CPEB3: variants seen among roughly 807,000 people sequenced by gnomAD.
CPEB3 encodes the protein cytoplasmic polyadenylation element-binding protein 3.
In CPEB3, 20 loss-of-function variants were observed where a neutral mutation model predicts 67.2. The observed-to-expected ratio is 0.30, with a 90% CI of 0.21 to 0.43. The LOEUF is 0.43. Ranked by LOEUF, CPEB3 falls within the 20% of genes least tolerant of loss-of-function variation. The pLI, the probability that CPEB3 is intolerant of heterozygous loss-of-function variation, is 1.00. For missense variants in CPEB3, 746 were observed against 968.6 expected (o/e 0.77, Z 3.05); for synonymous variants, 376 against 393.1 (o/e 0.96, Z 0.51).
intron 1 of CPEB3, among the ~76,000 whole-genome samples, chr10:92,254,303 A>T (rs1852428853): frequency 6.6e-6 from 1 of 152,184 alleles, no homozygotes; most frequent in Non-Finnish European, 1.5e-5. Context: ...AATTTTGGTC[A>T]ATTATTCAAT....
At chr10:92,231,122 A>G (rs1394555113) in intron 2 of CPEB3, among the ~76,000 whole-genome samples, 4 of 152,190 alleles carry the variant, frequency 2.6e-5, no homozygotes, top group African/African-American at 7.2e-5. Flanking sequence ...CATAAGCACA[A>G]GCAGATAGTC....
At chr10:92,060,940 C>G (rs371708397) in intron 9 of CPEB3, among the ~76,000 whole-genome samples, 1 of 152,170 alleles carries the variant, frequency 6.6e-6, no homozygotes, top group African/African-American at 2.4e-5. Flanking sequence ...ACAACCACCA[C>G]GGAGAACAGT....
chr10:92,236,531 T>C (rs951785192), intron 2 of CPEB3, among the ~76,000 whole-genome samples: 16 of 152,288 alleles, frequency 1.1e-4, no homozygotes, highest in African/African-American at 3.9e-4. Context: ...GTGGATCACC[T>C]GAGGTCAGGA....
chr10:92,253,356 A>C (rs1852378476), intron 1 of CPEB3, among the ~76,000 whole-genome samples: 1 of 148,230 alleles, frequency 6.7e-6, no homozygotes, highest in Admixed American at 6.8e-5. Context: ...GCTACTCGGG[A>C]GGCTGAGGCA....
intron 2 of CPEB3, among the ~76,000 whole-genome samples, chr10:92,217,559 C>T (rs1001970174): frequency 4.0e-5 from 6 of 151,480 alleles, no homozygotes; most frequent in African/African-American, 1.2e-4. Context: ...GTCAGGAGTT[C>T]GAGACCAGCA....
intron 6 of CPEB3, among the ~76,000 whole-genome samples, chr10:92,118,373 C>T (rs965986121): frequency 6.6e-6 from 1 of 152,116 alleles, no homozygotes; most frequent in Non-Finnish European, 1.5e-5. Flanking sequence ...CTCAGGTGAT[C>T]CACCCGCCCC....
intron 1 of CPEB3, among the ~76,000 whole-genome samples, chr10:92,283,826 A>T (rs1341799689): frequency 1.4e-5 from 2 of 144,150 alleles, no homozygotes; most frequent in Non-Finnish European, 3.0e-5. Context: ...TCCCCAGTTC[A>T]AGCAATTCTC....
In CPEB3 at chr10:92,287,329, A is replaced by G. The variant is rs368035918; in HGVS notation, c.-12+3597T>C. On this transcript the variant is annotated intron_variant, in intron 1 of 9. Coordinates refer to ENST00000265997, the MANE Select transcript of CPEB3 (RefSeq NM_014912.5). The stretch of plus-strand genomic sequence containing the variant: ...CATATAAATGCAGGAGTGCATTTCA[A>G]TGTGGTTTTGGTCAGATTAAGGTCT... 2.8e-4 allele frequency among the ~76,000 whole-genome samples: 43 copies of G among 152,280 alleles called. No individual in the cohort carries two copies. In the East Asian group the frequency reaches 6.9e-3, roughly 25 times the overall value.
intron 7 of CPEB3, among the ~76,000 whole-genome samples, chr10:92,100,578 T>TA (rs1486497387): frequency 4.0e-5 from 6 of 149,202 alleles, no homozygotes; most frequent in African/African-American, 1.5e-4. Flanking sequence ...GCCCAGCCAA[T>TA]AAGAATGGTT....
intron 6 of CPEB3, among the ~76,000 whole-genome samples, chr10:92,113,272 A>G (rs943721963): frequency 1.3e-5 from 2 of 152,238 alleles, no homozygotes; most frequent in African/African-American, 4.8e-5. Flanking sequence ...AAAAGACAAT[A>G]CATACATCAT....
intron 7 of CPEB3, among the ~76,000 whole-genome samples, chr10:92,092,165 A>G (rs183115011): frequency 1.3e-5 from 2 of 152,322 alleles, no homozygotes; most frequent in Non-Finnish European, 2.9e-5. Context: ...GACATATGAC[A>G]TATACCATGA....
intron 7 of CPEB3, among the ~76,000 whole-genome samples, chr10:92,097,208 C>A (rs191091849): frequency 5.9e-5 from 9 of 152,280 alleles, no homozygotes; most frequent in Admixed American, 3.9e-4. Context: ...GCTAGAAATT[C>A]AGATTTTTAA....
At chr10:92,252,602 T>A (rs1017225194) in intron 1 of CPEB3, among the ~76,000 whole-genome samples, 1 of 152,154 alleles carries the variant, frequency 6.6e-6, no homozygotes, top group African/African-American at 2.4e-5. Flanking sequence ...AAGGCAAAGA[T>A]AATGAATAGA....
intron 7 of CPEB3, among the ~76,000 whole-genome samples, chr10:92,106,129 G>C (rs1198043124): frequency 6.6e-6 from 1 of 151,816 alleles, no homozygotes; most frequent in Non-Finnish European, 1.5e-5. Context: ...CTGACCTCAA[G>C]TGATCCACCC....
intron 2 of CPEB3, among the ~76,000 whole-genome samples, chr10:92,202,003 T>G (rs1849548047): frequency 6.6e-6 from 1 of 152,178 alleles, no homozygotes; most frequent in African/African-American, 2.4e-5. Flanking sequence ...TACCTCACAT[T>G]TAAATTGTTC....
chr10:92,290,958 T>C lies in CPEB3; in HGVS notation c.-44A>G, dbSNP rs541117667. The stretch of plus-strand genomic sequence containing the variant: ...CTACCGACAGTGGAGCGGCGCATCC[T>C]GCTGCTTCCTGGAAAGCGGCCCGAA... On this transcript the variant is annotated 5_prime_UTR_variant, in exon 1 of 10. Transcript: ENST00000265997. 7 of 162,160 alleles carry C rather than the reference T, an allele frequency of 4.3e-5. No individual in the cohort carries two copies. Among genetic ancestry groups the C allele is most frequent in the Non-Finnish European group, 9.5e-5 (7 of 74,070 alleles). 10.0% of individuals were successfully genotyped at this position (162,160 alleles called of 1,614,324 possible). A position where few individuals can be genotyped will look rare whatever the true frequency, so the allele number is the denominator to read the frequency against.
rs529930803 is a variant in CPEB3 at position 92,136,567 on chromosome 10, CT to C, written c.1453+6461del. On this transcript the variant is annotated intron_variant, in intron 6 of 9. Transcript: ENST00000265997. ...TCATGTCTGAGAGTGAGTATTTCTTCTTTTTTTTTCTAAGGCGGAGTCTTGC... is the reference window on the plus strand; with the variant it reads ...TCATGTCTGAGAGTGAGTATTTCTTCTTTTTTTTCTAAGGCGGAGTCTTGC... 1.0e-3 allele frequency among the ~76,000 whole-genome samples: 151 copies of C among 151,622 alleles called. 3 individuals carry two copies. In the South Asian group the frequency reaches 0.028, roughly 29 times the overall value.
intron 4 of CPEB3, among the ~76,000 whole-genome samples, chr10:92,167,707 G>A (rs914470136): frequency 2.0e-5 from 3 of 152,164 alleles, no homozygotes; most frequent in Admixed American, 6.5e-5. Flanking sequence ...AGGAGTTTGA[G>A]ACCAGCCTGG....
intron 4 of CPEB3, among the ~76,000 whole-genome samples, chr10:92,148,186 C>T (rs1846781296): frequency 6.6e-6 from 1 of 152,156 alleles, no homozygotes; most frequent in Non-Finnish European, 1.5e-5. Context: ...AGTACAAAAA[C>T]ATAACTGTGA....
Sources: gnomAD v4.1 joint callset for allele counts (sites outside exome capture counted in the v4.1 genomes callset) on GRCh38, gnomAD v4.1.1 for gene constraint, MANE v1.5 for transcripts, NCBI Gene and HGNC (gene_info 2026-07-23, HGNC 2026-07-21) for gene names.